Variants in RBL2 observed in about 807,000 individuals in gnomAD.
RBL2 encodes the protein retinoblastoma-like protein 2.
A neutral mutation model predicts 126.0 loss-of-function variants in RBL2; 56 were observed. That is an observed-to-expected ratio of 0.44 (90% CI 0.36 to 0.56). The LOEUF is 0.56. Ranked by LOEUF, RBL2 falls within the 20% of genes least tolerant of loss-of-function variation. RBL2 has a pLI of 0.00. For missense variants in RBL2, 1,229 were observed against 1,398.2 expected (o/e 0.88, Z 1.93); for synonymous variants, 454 against 478.5 (o/e 0.95, Z 0.67).
intron 2 of RBL2, among the ~76,000 whole-genome samples, chr16:53,441,695 G>A (rs2058017875): frequency 6.6e-6 from 1 of 152,210 alleles, no homozygotes; most frequent in African/African-American, 2.4e-5. Flanking sequence ...ACATGTGTAT[G>A]TGTAGTAAGT....
intron 2 of RBL2, among the ~76,000 whole-genome samples, chr16:53,440,867 TATC>T (rs2058008011): frequency 1.3e-5 from 2 of 151,900 alleles, no homozygotes; most frequent in Non-Finnish European, 2.9e-5. Context: ...ATTTTATTCT[TATC>T]ATTGGGAAAA....
chr16:53,460,697 T>C (rs2058211269), intron 9 of RBL2, among the ~76,000 whole-genome samples: 1 of 152,122 alleles, frequency 6.6e-6, no homozygotes, highest in South Asian at 2.1e-4. Context: ...TGTTGAAAGG[T>C]ATGTGTGTGT....
intron 8 of RBL2, among the ~76,000 whole-genome samples, chr16:53,457,372 G>T (rs954172739): frequency 1.9e-4 from 29 of 149,294 alleles, no homozygotes; most frequent in Admixed American, 4.7e-4. Context: ...CGATTCTCCT[G>T]CCTCAGCCTC....
chr16:53,448,140 T>G (rs922166198), intron 4 of RBL2, among the ~76,000 whole-genome samples: 1 of 142,638 alleles, frequency 7.0e-6, no homozygotes, highest in African/African-American at 2.7e-5. Context: ...ATTATTAGAT[T>G]AACTAGCTTA....
chr16:53,437,431 C>G (rs1195853021), intron 1 of RBL2, among the ~76,000 whole-genome samples: 1 of 151,874 alleles, frequency 6.6e-6, no homozygotes, highest in Non-Finnish European at 1.5e-5. Flanking sequence ...TCATTTAGAC[C>G]AGTAATGAAT....
rs1379713778 is a variant in RBL2, at chr16:53,480,003, CT to C, written c.2881+15del. ...AAACAAAGATAGAAGTAAGTGGGAT[CT>C]TTGTGAACTACAAGACAAAATTAGG... On this transcript the variant is annotated intron_variant, in intron 19 of 21. Coordinates refer to ENST00000262133, the MANE Select transcript of RBL2 (RefSeq NM_005611.4). The C allele has an allele frequency of 6.5e-7, 1 of 1,542,728 alleles. No individual in the cohort carries two copies. Among genetic ancestry groups the C allele is most frequent in the Admixed American group, 1.9e-5 (1 of 53,898 alleles).
chr16:53,489,328 C>T (rs1961303919), intron 21 of RBL2: 1 of 152,132 alleles, frequency 6.6e-6, no homozygotes, highest in African/African-American at 2.4e-5. Context: ...TGTATGTTTA[C>T]AATTTCCTAT....
intron 8 of RBL2, among the ~76,000 whole-genome samples, chr16:53,458,564 T>A (rs1403660110): frequency 6.6e-6 from 1 of 152,346 alleles, no homozygotes; most frequent in Middle Eastern, 3.4e-3. Flanking sequence ...CAACTTATTA[T>A]CTGTCTCTGA....
At chr16:53,475,675 T>C (rs1044743518) in intron 17 of RBL2, among the ~76,000 whole-genome samples, 2 of 152,038 alleles carry the variant, frequency 1.3e-5, no homozygotes, top group Non-Finnish European at 2.9e-5. Context: ...TTCTTTCTGC[T>C]TACTTGAGGC....
At chr16:53,468,388 CA>C (rs1198454443) in intron 14 of RBL2, among the ~76,000 whole-genome samples, 1 of 151,898 alleles carries the variant, frequency 6.6e-6, no homozygotes, top group Non-Finnish European at 1.5e-5. Flanking sequence ...CCAACCCCCC[CA>C]AAAAAATCAC....
intron 11 of RBL2, 30 bp from the exon 12 acceptor site, chr16:53,464,196 G>C: frequency 1.4e-6 from 2 of 1,477,578 alleles, no homozygotes. Flanking sequence ...CTAAGTAAAT[G>C]TTTCTAATGC....
rs1567722650 is a variant in RBL2 at position 53,434,641 on chromosome 16, GGCGAGGCGGAAGA to G, written c.86_98del (p.Gly29AlafsTer41). The G allele has an allele frequency of 1.3e-6, 2 of 1,564,580 alleles. No individual in the cohort carries two copies. The highest frequency in any genetic ancestry group is 1.4e-5 in the African/African-American group (1 of 73,414). ...CTCGGATGAGGAGGAGGAGGACGAC[GGCGAGGCGGAAGA>G]CGCCGCGCCGCCTGCCGAGTCGCCC... On this transcript the variant is annotated frameshift_variant, in exon 1 of 22. Coordinates refer to ENST00000262133, the MANE Select transcript of RBL2 (RefSeq NM_005611.4). LOFTEE classifies it high-confidence loss of function.
chr16:53,475,084 G>A (rs1167975422), intron 17 of RBL2, among the ~76,000 whole-genome samples: 5 of 152,192 alleles, frequency 3.3e-5, no homozygotes, highest in Admixed American at 3.3e-4. Flanking sequence ...AGTTGTGGTA[G>A]TGTATGTCTT....
chr16:53,475,885 G>A (rs909451726), intron 17 of RBL2, among the ~76,000 whole-genome samples: 8 of 112,460 alleles, frequency 7.1e-5, no homozygotes, highest in South Asian at 2.8e-4. Context: ...TTGCTCTGTC[G>A]CCTAGGCTGG....
chr16:53,484,763 G>C (rs1961093568), intron 21 of RBL2, among the ~76,000 whole-genome samples: 1 of 147,438 alleles, frequency 6.8e-6, no homozygotes, highest in Admixed American at 6.6e-5. Context: ...TGGCTGCTCT[G>C]GGAACTCTGG....
At chr16:53,453,682 A>C (rs755587814) in intron 6 of RBL2, 23 bp from the exon 7 acceptor site, 1 of 1,605,984 alleles carries the variant, frequency 6.2e-7, no homozygotes, top group South Asian at 1.1e-5. Flanking sequence ...ATGACGACTT[A>C]AGGATCTCTT....
chr16:53,483,840 G>T (rs1961050761), intron 21 of RBL2, among the ~76,000 whole-genome samples: 1 of 148,190 alleles, frequency 6.7e-6, no homozygotes, highest in African/African-American at 2.5e-5. Flanking sequence ...TCGTGCCATT[G>T]CACTCCAGCC....
Position 53,434,596 on chromosome 16 carries a change from C to T in RBL2, c.40C>T (p.Pro14Ser), listed in dbSNP as rs753711508. Residue 14 changes from proline to serine, a missense_variant, in exon 1 of 22, where the codon CCC becomes TCC. This residue lies in a region of RBL2 where 159 missense variants were observed against 123.9 expected (regional missense o/e 1.28). Transcript: ENST00000262133. The part of the protein sequence containing the change: ...GGDQSPPPPP[P>S]PPAAAASDEE... ...TGACCAGTCGCCACCGCCCCCGCCT[C>T]CCCCTCCGGCGGCGGCAGCCTCGGA... The T allele has an allele frequency of 9.7e-6, 15 of 1,547,944 alleles. No individual in the cohort carries two copies. Among genetic ancestry groups the T allele is most frequent in the East Asian group, 2.4e-5 (1 of 41,242 alleles).
rs1322603554 is a variant in RBL2, at chr16:53,459,500, A to G, written c.1229A>G (p.Lys410Arg). 6.2e-7 allele frequency: 1 copy of G among 1,613,522 alleles called. No individual in the cohort carries two copies. The highest frequency in any genetic ancestry group is 8.5e-7 in the Non-Finnish European group (1 of 1,179,788). The change falls in exon 9 of 22, where the codon AAG (lysine) becomes AGG (arginine). Residue 410 changes from lysine to arginine, a missense_variant. By Grantham distance (26) the Lys-to-Arg change is conservative. Transcript: ENST00000262133. ...STPLTGVRYIKENSPCVTPVS... is the reference protein window; with the variant it reads ...STPLTGVRYIRENSPCVTPVS... ...CCACTAACTGGTGTTAGGTACATTAAGGAGAATAGCCCTTGTGTGACTCCA... is the reference window on the plus strand; with the variant it reads ...CCACTAACTGGTGTTAGGTACATTAGGGAGAATAGCCCTTGTGTGACTCCA...
Sources: allele counts gnomAD v4.1 joint callset (sites outside exome capture counted in the v4.1 genomes callset), GRCh38; gene constraint gnomAD v4.1.1; regional missense constraint gnomAD v4.1.1; transcripts MANE v1.5; gene names NCBI Gene and HGNC (gene_info 2026-07-23, HGNC 2026-07-21).